KCND2: variants seen among roughly 807,000 people sequenced by gnomAD.
The protein encoded by KCND2 is potassium voltage-gated channel subfamily D member 2.
In KCND2, 16 loss-of-function variants were observed where a neutral mutation model predicts 54.4. The ratio of observed to expected loss-of-function variants is 0.29; its 90% CI spans 0.20 to 0.45. The LOEUF is 0.45. Among genes scored for constraint, KCND2 ranks in the 20% least tolerant of loss-of-function variants. The pLI is 1.00. For synonymous variants in KCND2, 317 were observed against 310.7 expected (o/e 1.02, Z -0.21); for missense variants, 486 against 824.2 (o/e 0.59, Z 5.02).
At chr7:120,636,476 TA>T (rs1366396904) in intron 1 of KCND2, among the ~76,000 whole-genome samples, 1 of 152,152 alleles carries the variant, frequency 6.6e-6, no homozygotes, top group Non-Finnish European at 1.5e-5. Context: ...TGGATGCTAT[TA>T]TTTTTTGCAT....
At chr7:120,332,445 A>G (rs912091260) in intron 1 of KCND2, among the ~76,000 whole-genome samples, 1 of 152,142 alleles carries the variant, frequency 6.6e-6, no homozygotes, top group Non-Finnish European at 1.5e-5. Flanking sequence ...AGTAACAAAA[A>G]GTAGGTAGAT....
intron 1 of KCND2, among the ~76,000 whole-genome samples, chr7:120,565,004 G>T (rs917682358): frequency 1.3e-5 from 2 of 152,118 alleles, no homozygotes; most frequent in Non-Finnish European, 2.9e-5. Flanking sequence ...TAGGGAAGGG[G>T]ATTCTCATTT....
chr7:120,640,888 A>G (rs1793362928), intron 1 of KCND2, among the ~76,000 whole-genome samples: 2 of 152,250 alleles, frequency 1.3e-5, no homozygotes, highest in South Asian at 2.1e-4. Context: ...AGGTACCCAG[A>G]CTTGGGTGTA....
intron 1 of KCND2, among the ~76,000 whole-genome samples, chr7:120,666,726 G>A (rs767638697): frequency 1.3e-5 from 2 of 151,834 alleles, no homozygotes; most frequent in Non-Finnish European, 2.9e-5. Context: ...TAACCACTAG[G>A]CTCCTCCACT....
intron 1 of KCND2, among the ~76,000 whole-genome samples, chr7:120,456,187 T>G (rs1584786470): frequency 1.3e-5 from 2 of 152,208 alleles, no homozygotes; most frequent in Admixed American, 1.3e-4. Context: ...AAATTTCATT[T>G]GAATCAAGAA....
At chr7:120,379,711 A>C (rs988223148) in intron 1 of KCND2, among the ~76,000 whole-genome samples, 9 of 151,962 alleles carry the variant, frequency 5.9e-5, no homozygotes, top group Admixed American at 5.9e-4. Flanking sequence ...ACTGGGGCAA[A>C]TATGTCTGAT....
chr7:120,359,763 G>A (rs1431238599), intron 1 of KCND2, among the ~76,000 whole-genome samples: 3 of 152,120 alleles, frequency 2.0e-5, no homozygotes, highest in Non-Finnish European at 2.9e-5. Flanking sequence ...TCCCCATGTC[G>A]AAGGAGGGAC....
At chr7:120,492,314 C>A (rs1001029001) in intron 1 of KCND2, among the ~76,000 whole-genome samples, 1 of 152,004 alleles carries the variant, frequency 6.6e-6, no homozygotes, top group African/African-American at 2.4e-5. Flanking sequence ...CTTTTGAGTA[C>A]CACACCAAAA....
In KCND2 at chr7:120,286,864, C is replaced by T. The variant is rs147702313; in HGVS notation, c.1115+11117C>T. ...TTGCAACAGTTTATTGTCGAATAAA[C>T]AGAAATGATTAGGCAAGCATCAAGT... On this transcript the variant is annotated intron_variant, in intron 1 of 5. Transcript: ENST00000331113. Among the ~76,000 whole-genome samples, 23 of 151,902 alleles carry T rather than the reference C, an allele frequency of 1.5e-4. No homozygotes were observed. The Middle Eastern group carries it at 0.01, about 67-fold the overall frequency.
chr7:120,512,993 G>A (rs575269472), intron 1 of KCND2, among the ~76,000 whole-genome samples: 21 of 151,700 alleles, frequency 1.4e-4, no homozygotes, highest in African/African-American at 4.3e-4. Context: ...ACAGGTTTTC[G>A]CTATGTTGGC....
chr7:120,510,367 T>C (rs946152983), intron 1 of KCND2, among the ~76,000 whole-genome samples: 1 of 152,086 alleles, frequency 6.6e-6, no homozygotes, highest in Non-Finnish European at 1.5e-5. Flanking sequence ...TATGAAGTAG[T>C]GGAAGGTTTT....
chr7:120,274,255 C>G lies in KCND2; in HGVS notation c.-378C>G. Reference sequence around the variant, plus strand: ...TCTTCTCTATCCTACACTCCACATACTGACCCTATATTATCCAGACTGTGC... The same window carrying G: ...TCTTCTCTATCCTACACTCCACATAGTGACCCTATATTATCCAGACTGTGC... On this transcript the variant is annotated 5_prime_UTR_variant, in exon 1 of 6. Coordinates refer to ENST00000331113, the MANE Select transcript of KCND2 (RefSeq NM_012281.3). 1 of 349,228 alleles carries G rather than the reference C, an allele frequency of 2.9e-6. No individual in the cohort carries two copies. The highest frequency in any genetic ancestry group is 5.3e-6 in the Non-Finnish European group (1 of 187,318). The allele number at this position is 349,228 out of a possible 1,614,324, so 21.6% of individuals were successfully genotyped here.
At chr7:120,605,244 CCT>C (rs150715815) in intron 1 of KCND2, among the ~76,000 whole-genome samples, 1,602 of 152,270 alleles carry the variant, frequency 0.011, 32 homozygotes, top group African/African-American at 0.037. Flanking sequence ...CCCCCAAGCC[CCT>C]GTCAATCACC....
intron 1 of KCND2, among the ~76,000 whole-genome samples, chr7:120,535,304 TTTA>T (rs975272722): frequency 9.2e-5 from 14 of 152,274 alleles, no homozygotes; most frequent in African/African-American, 3.1e-4. Context: ...TCATAAATCA[TTTA>T]TTATTATTTT....
At chr7:120,434,988 A>G (rs1801845696) in intron 1 of KCND2, among the ~76,000 whole-genome samples, 1 of 152,138 alleles carries the variant, frequency 6.6e-6, no homozygotes, top group Non-Finnish European at 1.5e-5. Flanking sequence ...ATAATGGTAT[A>G]TTTTCATGGT....
At chr7:120,732,093 T>C (rs2116143380) in intron 1 of KCND2, among the ~76,000 whole-genome samples, 1 of 152,182 alleles carries the variant, frequency 6.6e-6, no homozygotes, top group South Asian at 2.1e-4. Flanking sequence ...ATCAAGAGCA[T>C]CAGCTGCATA....
intron 1 of KCND2, among the ~76,000 whole-genome samples, chr7:120,675,909 G>A (rs1178308250): frequency 6.9e-6 from 1 of 145,692 alleles, no homozygotes; most frequent in Non-Finnish European, 1.5e-5. Flanking sequence ...CCAGGCTGGA[G>A]TACGGTGGTG....
chr7:120,699,009 G>A (rs55939869), intron 1 of KCND2, among the ~76,000 whole-genome samples: 24,888 of 152,062 alleles, frequency 0.16, 2,228 homozygotes, highest in African/African-American at 0.2. Context: ...AGCCGGGCAC[G>A]GTGGCTCACG....
intron 1 of KCND2, among the ~76,000 whole-genome samples, chr7:120,572,253 A>T (rs1792375292): frequency 1.3e-5 from 2 of 152,108 alleles, no homozygotes; most frequent in Non-Finnish European, 2.9e-5. Context: ...TCTGTTCAAA[A>T]AATATTTTCC....
Sources: gnomAD v4.1 joint callset for allele counts (sites outside exome capture counted in the v4.1 genomes callset) on GRCh38, gnomAD v4.1.1 for gene constraint, MANE v1.5 for transcripts, NCBI Gene and HGNC (gene_info 2026-07-23, HGNC 2026-07-21) for gene names.